PCDH11X: variants seen among roughly 807,000 people sequenced by gnomAD.
PCDH11X encodes protocadherin 11 X-linked, also known as protocadherin-11 X-linked.
Under a neutral mutation model 53.3 loss-of-function variants are expected in PCDH11X, and 18 were observed. The observed-to-expected ratio is 0.34, with a 90% confidence interval of 0.23 to 0.50. The LOEUF is 0.50. Among genes scored for constraint, PCDH11X ranks in the 20% least tolerant of loss-of-function variants. The pLI, the probability that PCDH11X is intolerant of heterozygous loss-of-function variation, is 0.98. For missense variants in PCDH11X, 570 were observed against 1,032.4 expected (o/e 0.55, Z 6.14); for synonymous variants, 279 against 393.3 (o/e 0.71, Z 3.44).
chrX:91,792,070 C>T (rs1328925496), intron 1 of PCDH11X, among the ~76,000 whole-genome samples: 2 of 108,214 alleles, frequency 1.8e-5, no homozygotes, highest in Admixed American at 9.8e-5. Flanking sequence ...ACCGTGTTCT[C>T]GATCTCCTGA....
At chrX:92,460,146 T>G (rs2073005697) in intron 9 of PCDH11X, 1 of 1,035,140 alleles carries the variant, frequency 9.7e-7, no homozygotes, top group African/African-American at 1.8e-5. Flanking sequence ...GTCTTGCTGC[T>G]GATGACTTTA....
chrX:92,331,372 T>TTCCTCCCCCTCC (rs1556368455), intron 8 of PCDH11X, among the ~76,000 whole-genome samples: 1 of 83,405 alleles, frequency 1.2e-5, no homozygotes, highest in East Asian at 4.5e-4. Flanking sequence ...CCTCCTCCTT[T>TTCCTCCCCCTCC]TCCTCCTCCT....
At chrX:92,288,963 CTATT>C (rs1279028128) in intron 8 of PCDH11X, among the ~76,000 whole-genome samples, 1 of 110,795 alleles carries the variant, frequency 9.0e-6, no homozygotes, top group Non-Finnish European at 1.9e-5. Context: ...GCTATAATTT[CTATT>C]TATTTAAGAA....
intron 6 of PCDH11X, among the ~76,000 whole-genome samples, chrX:91,890,547 T>A (rs1188277156): frequency 1.8e-5 from 2 of 110,884 alleles, no homozygotes; most frequent in African/African-American, 6.6e-5. Flanking sequence ...TAGTACAGAT[T>A]CTGCTTCTCT....
At chrX:92,431,624 C>T (rs2072252657) in intron 9 of PCDH11X, among the ~76,000 whole-genome samples, 1 of 109,776 alleles carries the variant, frequency 9.1e-6, no homozygotes, top group South Asian at 3.8e-4. Context: ...TTAATTCAAA[C>T]CTCAGTAATC....
intron 7 of PCDH11X, among the ~76,000 whole-genome samples, chrX:92,207,962 C>T (rs760656443): frequency 2.9e-4 from 32 of 110,229 alleles, no homozygotes; most frequent in African/African-American, 8.6e-4. Context: ...TTTGGGAGGC[C>T]GAGGCAGGTG....
intron 6 of PCDH11X, among the ~76,000 whole-genome samples, chrX:91,951,868 G>A (rs989985767): frequency 2.7e-5 from 3 of 111,663 alleles, no homozygotes; most frequent in African/African-American, 9.7e-5. Flanking sequence ...GCTTCCAGTT[G>A]CTCTGTCAGG....
intron 8 of PCDH11X, among the ~76,000 whole-genome samples, chrX:92,313,567 G>T (rs2069002897): frequency 1.8e-5 from 2 of 109,362 alleles, no homozygotes; most frequent in Admixed American, 9.8e-5. Context: ...TGTTTGTTGT[G>T]CAGGTTTATT....
chrX:91,994,859 A>G (rs773928094), intron 6 of PCDH11X, among the ~76,000 whole-genome samples: 56 of 110,819 alleles, frequency 5.1e-4, no homozygotes, highest in African/African-American at 1.8e-3. Flanking sequence ...ATGGAGTAAT[A>G]TTTCATCATG....
At chrX:92,305,453 A>G (rs1480745322) in intron 8 of PCDH11X, among the ~76,000 whole-genome samples, 1 of 108,946 alleles carries the variant, frequency 9.2e-6, no homozygotes, top group Admixed American at 9.9e-5. Context: ...AGAGTGAGAG[A>G]TATCTGGTGT....
chrX:92,125,273 A>G (rs1237568313), intron 6 of PCDH11X, among the ~76,000 whole-genome samples: 1 of 111,834 alleles, frequency 8.9e-6, no homozygotes, highest in African/African-American at 3.3e-5. Context: ...TGCATGCAAT[A>G]AAGTTATTCA....
At chrX:92,032,783 C>T (rs1418361972) in intron 6 of PCDH11X, among the ~76,000 whole-genome samples, 2 of 105,976 alleles carry the variant, frequency 1.9e-5, no homozygotes, top group Non-Finnish European at 3.8e-5. Context: ...TGTACCACAT[C>T]AATTGATTTG....
intron 6 of PCDH11X, among the ~76,000 whole-genome samples, chrX:92,021,095 A>G (rs752118069): frequency 9.1e-6 from 1 of 109,837 alleles, no homozygotes; most frequent in Non-Finnish European, 1.9e-5. Context: ...ATCAATGAAA[A>G]AATTCTGAAA....
intron 7 of PCDH11X, among the ~76,000 whole-genome samples, chrX:92,254,586 T>C (rs190978140): frequency 0.031 from 3,444 of 110,037 alleles, 76 homozygotes; most frequent in Non-Finnish European, 0.04. Context: ...TACCGGTTGT[T>C]CCTTTCCATG....
intron 9 of PCDH11X, among the ~76,000 whole-genome samples, chrX:92,423,032 A>G (rs2072013081): frequency 9.5e-6 from 1 of 105,281 alleles, no homozygotes; most frequent in Non-Finnish European, 2.0e-5. Flanking sequence ...TTGTATTTCT[A>G]GTAGAGACGG....
intron 1 of PCDH11X, among the ~76,000 whole-genome samples, chrX:91,780,313 C>A (rs1242992365): frequency 8.9e-6 from 1 of 111,899 alleles, no homozygotes; most frequent in Non-Finnish European, 1.9e-5. Flanking sequence ...CGCCTCCCCG[C>A]CCTTCCTTCC....
At chrX:91,875,397 C>G (rs1239094712) in intron 5 of PCDH11X, among the ~76,000 whole-genome samples, 2 of 106,623 alleles carry the variant, frequency 1.9e-5, no homozygotes, top group African/African-American at 6.9e-5. Flanking sequence ...ATTCTCCTGC[C>G]TCAGCCTCCT....
chrX:92,315,830 CT>C (rs936929049), intron 8 of PCDH11X, among the ~76,000 whole-genome samples: 1 of 109,811 alleles, frequency 9.1e-6, no homozygotes, highest in African/African-American at 3.3e-5. Flanking sequence ...GCCACCACCC[CT>C]GGCCTGAATT....
chrX:92,425,334 G>C (rs1189957062), intron 9 of PCDH11X, among the ~76,000 whole-genome samples: 1 of 109,016 alleles, frequency 9.2e-6, no homozygotes, highest in Non-Finnish European at 1.9e-5. Context: ...ATATTTGTCA[G>C]ATTATAGATG....
Sources: gnomAD v4.1 joint callset for allele counts (sites outside exome capture counted in the v4.1 genomes callset) on GRCh38, gnomAD v4.1.1 for gene constraint, MANE v1.5 for transcripts, NCBI Gene and HGNC (gene_info 2026-07-23, HGNC 2026-07-21) for gene names.